ZBTB7C: variants seen among roughly 807,000 people sequenced by gnomAD.
ZBTB7C encodes the protein zinc finger and BTB domain containing 7C.
ZBTB7C carries 8 observed loss-of-function variants against 25.7 expected under a neutral mutation model. The ratio of observed to expected loss-of-function variants is 0.31; its 90% CI spans 0.18 to 0.56. The LOEUF is 0.56. Ranked by LOEUF, ZBTB7C falls within the 20% of genes least tolerant of loss-of-function variation. ZBTB7C has a pLI of 0.91. For synonymous variants in ZBTB7C, 394 were observed against 369.0 expected, an observed-to-expected ratio of 1.07 and a Z score of -0.78; for missense variants, 824 against 855.2, an observed-to-expected ratio of 0.96 and a Z score of 0.46.
At chr18:48,318,178 C>G (rs1325221716) in intron 2 of ZBTB7C, among the ~76,000 whole-genome samples, 2 of 151,950 alleles carry the variant, frequency 1.3e-5, no homozygotes, top group African/African-American at 4.8e-5. Flanking sequence ...CTATTGATGA[C>G]AGCAGAACAT....
intron 3 of ZBTB7C, among the ~76,000 whole-genome samples, chr18:48,119,778 G>C (rs1185228329): frequency 6.6e-6 from 1 of 152,124 alleles, no homozygotes; most frequent in African/African-American, 2.4e-5. Context: ...CAGACACTTT[G>C]GTGAGGACAT....
At chr18:48,365,287 T>C (rs1294154046) in intron 1 of ZBTB7C, among the ~76,000 whole-genome samples, 3 of 152,240 alleles carry the variant, frequency 2.0e-5, no homozygotes, top group Non-Finnish European at 1.5e-5. Flanking sequence ...AAAGGGTATA[T>C]ACACTGGCAA....
At chr18:48,365,956 C>T (rs2047212864) in intron 1 of ZBTB7C, among the ~76,000 whole-genome samples, 2 of 152,156 alleles carry the variant, frequency 1.3e-5, no homozygotes, top group Non-Finnish European at 2.9e-5. Flanking sequence ...TTCCTATTAT[C>T]AGGGGGCAAG....
At chr18:48,310,097 G>A (rs1021400751) in intron 2 of ZBTB7C, among the ~76,000 whole-genome samples, 1 of 152,034 alleles carries the variant, frequency 6.6e-6, no homozygotes, top group African/African-American at 2.4e-5. Context: ...GGGCATGGTG[G>A]CAGGTGCCTG....
At chr18:48,347,898 A>G (rs1489085894) in intron 1 of ZBTB7C, among the ~76,000 whole-genome samples, 1 of 152,242 alleles carries the variant, frequency 6.6e-6, no homozygotes, top group Non-Finnish European at 1.5e-5. Context: ...AATGGTTTGC[A>G]AGACACTGAG....
intron 3 of ZBTB7C, among the ~76,000 whole-genome samples, chr18:48,089,380 G>T (rs1236141869): frequency 6.6e-6 from 1 of 151,888 alleles, no homozygotes; most frequent in African/African-American, 2.4e-5. Flanking sequence ...GCTGAGGCAG[G>T]AGAATCGCTT....
intron 3 of ZBTB7C, among the ~76,000 whole-genome samples, chr18:48,098,510 G>A (rs189475278): frequency 2.0e-5 from 3 of 152,146 alleles, no homozygotes; most frequent in Admixed American, 6.5e-5. Flanking sequence ...AGATGGTCTC[G>A]GTTTCCAGGA....
At chr18:48,229,878 T>G (rs2043206289) in intron 2 of ZBTB7C, among the ~76,000 whole-genome samples, 1 of 152,086 alleles carries the variant, frequency 6.6e-6, no homozygotes, top group Non-Finnish European at 1.5e-5. Flanking sequence ...GCTTTCCTTT[T>G]GGCCTCCACG....
At chr18:48,364,886 T>C (rs2047188122) in intron 1 of ZBTB7C, among the ~76,000 whole-genome samples, 1 of 152,230 alleles carries the variant, frequency 6.6e-6, no homozygotes, top group Non-Finnish European at 1.5e-5. Context: ...GTTTTCAAAA[T>C]GGAGCATGTA....
At chr18:48,216,154 A>ATTCATTCAGTCAGTGGGG (rs1241731915) in intron 2 of ZBTB7C, among the ~76,000 whole-genome samples, 3 of 152,204 alleles carry the variant, frequency 2.0e-5, no homozygotes, top group Non-Finnish European at 2.9e-5. Flanking sequence ...TGGGGGACTT[A>ATTCATTCAGTCAGTGGGG]GAATTTTATT....
At position 48,040,938 on chromosome 18, in the gene ZBTB7C, TTGC is replaced by T; in HGVS notation, c.167_169del (p.Ser56del). On this transcript the variant is annotated inframe_deletion, in exon 4 of 5. Transcript: ENST00000590800. ...GGCTGTGAAAAGCTTCTTGAAGTAC[TTGC>T]TGCAGGCAGCCAGGACGGAGCGGTG... The T allele has an allele frequency of 6.2e-7, 1 of 1,614,184 alleles. No homozygotes were observed. The highest frequency in any genetic ancestry group is 8.5e-7 in the Non-Finnish European group (1 of 1,180,048).
chr18:48,401,900 A>T (rs1343239353), intron 1 of ZBTB7C, among the ~76,000 whole-genome samples: 1 of 152,094 alleles, frequency 6.6e-6, no homozygotes, highest in Non-Finnish European at 1.5e-5. Flanking sequence ...GAATCATTTC[A>T]CAGTCAACCG....
chr18:48,183,997 G>A (rs752871610), intron 3 of ZBTB7C, among the ~76,000 whole-genome samples: 23 of 152,086 alleles, frequency 1.5e-4, no homozygotes, highest in Non-Finnish European at 2.4e-4. Flanking sequence ...ACTGAAAACT[G>A]ACTCAGGCTC....
intron 1 of ZBTB7C, chr18:48,346,712 G>C (rs540062856): frequency 6.6e-6 from 1 of 152,302 alleles, no homozygotes; most frequent in East Asian, 1.9e-4. Context: ...ACCAACCACG[G>C]AGGCCAGATG....
At chr18:48,080,694 T>C (rs1038361408) in intron 3 of ZBTB7C, among the ~76,000 whole-genome samples, 5 of 152,186 alleles carry the variant, frequency 3.3e-5, no homozygotes, top group Admixed American at 1.3e-4. Flanking sequence ...TGGGCTGTCC[T>C]GACACCAGCC....
At chr18:48,391,395 C>T (rs1232568426) in intron 1 of ZBTB7C, among the ~76,000 whole-genome samples, 1 of 152,198 alleles carries the variant, frequency 6.6e-6, no homozygotes, top group Non-Finnish European at 1.5e-5. Flanking sequence ...TTCAAATGGT[C>T]CAGTGGCAGA....
At chr18:48,347,131 T>G (rs1338105587) in intron 1 of ZBTB7C, among the ~76,000 whole-genome samples, 48 of 142,572 alleles carry the variant, frequency 3.4e-4, no homozygotes, top group Non-Finnish European at 5.1e-4. Context: ...TTTGTTTTTT[T>G]TTTTTTTTTT....
At chr18:48,042,582 G>A (rs890747469) in intron 3 of ZBTB7C, among the ~76,000 whole-genome samples, 11 of 152,318 alleles carry the variant, frequency 7.2e-5, no homozygotes, top group African/African-American at 2.6e-4. Flanking sequence ...CTCATAAAGT[G>A]TGAGTGGGCA....
intron 3 of ZBTB7C, chr18:48,041,551 G>T (rs899190227): frequency 2.0e-6 from 2 of 985,184 alleles, no homozygotes; most frequent in Middle Eastern, 5.2e-4. Flanking sequence ...CTGAGAAGAT[G>T]CTCTGATTTG....
Sources: allele counts gnomAD v4.1 joint callset (sites outside exome capture counted in the v4.1 genomes callset), GRCh38; gene constraint gnomAD v4.1.1; transcripts MANE v1.5; gene names NCBI Gene and HGNC (gene_info 2026-07-23, HGNC 2026-07-21).